TEX9: variants seen among roughly 807,000 people sequenced by gnomAD.
TEX9 encodes testis expressed 9, also known as testis-expressed protein 9.
TEX9 carries 74 observed loss-of-function variants against 59.6 expected under a neutral mutation model. The observed-to-expected ratio is 1.24, with a 90% confidence interval of 1.03 to 1.51. The LOEUF (loss-of-function observed/expected upper bound fraction) is 1.51. Ranked by LOEUF, TEX9 falls within the 40% of genes most tolerant of loss-of-function variation. TEX9 has a pLI of 0.00. For synonymous variants in TEX9, 186 were observed against 152.2 expected (o/e 1.22, Z -1.64); for missense variants, 522 against 447.8 (o/e 1.17, Z -1.49).
At chr15:56,325,396 T>G (rs2046000555) in intron 1 of TEX9, among the ~76,000 whole-genome samples, 1 of 152,158 alleles carries the variant, frequency 6.6e-6, no homozygotes. Context: ...CTGGTATGAC[T>G]TACAGGGATG....
chr15:56,282,639 A>G (rs1468893262), intron 1 of TEX9, among the ~76,000 whole-genome samples: 1 of 152,180 alleles, frequency 6.6e-6, no homozygotes, highest in Non-Finnish European at 1.5e-5. Flanking sequence ...AAAAATGTAT[A>G]TAGAAAGGTT....
intron 1 of TEX9, among the ~76,000 whole-genome samples, chr15:56,307,327 G>T (rs2045507200): frequency 6.6e-6 from 1 of 152,044 alleles, no homozygotes; most frequent in South Asian, 2.1e-4. Flanking sequence ...CCCAATTTTG[G>T]ATTCCCCATG....
chr15:56,460,009 A>AAAAAAATATATATATATATATATAT, the TEX9 span, among the ~76,000 whole-genome samples: 26 of 26,378 alleles, frequency 9.9e-4, 6 homozygotes, highest in Admixed American at 1.7e-3. Context: ...AAAAAAAAAA[A>AAAAAAATATATATATATATATATAT]ATACATATAT....
chr15:56,266,327 CTT>C (rs750991112), intron 1 of TEX9, among the ~76,000 whole-genome samples: 5 of 138,750 alleles, frequency 3.6e-5, no homozygotes, highest in Admixed American at 1.4e-4. Context: ...GGTTTCTTTT[CTT>C]TTTTTTTTTT....
intron 3 of TEX9, among the ~76,000 whole-genome samples, chr15:56,377,607 C>T (rs2047519339): frequency 6.6e-6 from 1 of 152,068 alleles, no homozygotes; most frequent in African/African-American, 2.4e-5. Context: ...TGCAACTTTA[C>T]TGAGTTTATC....
chr15:56,389,924 A>T (rs750375419), intron 6 of TEX9, among the ~76,000 whole-genome samples: 2 of 151,956 alleles, frequency 1.3e-5, no homozygotes, highest in African/African-American at 2.4e-5. Context: ...GATGCTCCCT[A>T]GGATAGGATG....
chr15:56,331,519 C>A (rs562264107), intron 1 of TEX9, among the ~76,000 whole-genome samples: 16 of 152,110 alleles, frequency 1.1e-4, no homozygotes, highest in African/African-American at 2.9e-4. Flanking sequence ...ACTATACAAA[C>A]ATATGGAAAT....
chr15:56,435,161 A>G (rs1313753913), intron 12 of TEX9, among the ~76,000 whole-genome samples: 1 of 152,102 alleles, frequency 6.6e-6, no homozygotes, highest in Non-Finnish European at 1.5e-5. Flanking sequence ...AGAAACATTT[A>G]TAGCACTAAA....
At chr15:56,332,032 CT>C (rs1392244901) in intron 1 of TEX9, among the ~76,000 whole-genome samples, 1 of 128,684 alleles carries the variant, frequency 7.8e-6, no homozygotes, top group Non-Finnish European at 1.6e-5. Context: ...GGACTGTAAA[CT>C]AGTTCAACCA....
chr15:56,310,607 C>G (rs1421546851), intron 1 of TEX9, among the ~76,000 whole-genome samples: 2 of 152,174 alleles, frequency 1.3e-5, no homozygotes, highest in Admixed American at 6.5e-5. Flanking sequence ...ATTATGATCC[C>G]TGCACCAGCT....
At chr15:56,444,332 G>T in intron 12 of TEX9, 2 of 800,910 alleles carry the variant, frequency 2.5e-6, no homozygotes, top group Non-Finnish European at 3.8e-6. Context: ...AGTATTTATT[G>T]AGCACTTACT....
intron 1 of TEX9, among the ~76,000 whole-genome samples, chr15:56,326,661 G>A (rs1347622121): frequency 2.0e-5 from 3 of 152,238 alleles, no homozygotes; most frequent in South Asian, 2.1e-4. Context: ...AGGTGTGTTC[G>A]TAAGCCAGCT....
At chr15:56,448,915 G>A (rs1345064970), downstream of TEX9, among the ~76,000 whole-genome samples, 5 of 151,870 alleles carry the variant, frequency 3.3e-5, no homozygotes, top group South Asian at 2.1e-4. Flanking sequence ...CACCATGCCC[G>A]GTTAATTTTT....
At chr15:56,268,799 G>C (rs1035946645) in intron 1 of TEX9, among the ~76,000 whole-genome samples, 1 of 151,936 alleles carries the variant, frequency 6.6e-6, no homozygotes, top group Non-Finnish European at 1.5e-5. Flanking sequence ...TTTTTGTTAT[G>C]TCTCTGCCAG....
At chr15:56,383,245 A>C (rs1374305599) in intron 3 of TEX9, among the ~76,000 whole-genome samples, 1 of 152,208 alleles carries the variant, frequency 6.6e-6, no homozygotes, top group Non-Finnish European at 1.5e-5. Context: ...CAGACTCTTC[A>C]GGCTGCACAG....
At chr15:56,249,937 C>A (rs2141290354) in intron 1 of TEX9, among the ~76,000 whole-genome samples, 1 of 152,088 alleles carries the variant, frequency 6.6e-6, no homozygotes, top group East Asian at 1.9e-4. Context: ...GATTCCCTTG[C>A]CTCTCTTGGC....
chr15:56,456,868 A>T, the TEX9 span, among the ~76,000 whole-genome samples: 1 of 152,072 alleles, frequency 6.6e-6, no homozygotes, highest in Non-Finnish European at 1.5e-5. Flanking sequence ...ACAATCCTAG[A>T]CATCATGTCA....
chr15:56,291,013 G>A (rs77016897), intron 1 of TEX9, among the ~76,000 whole-genome samples: 1,920 of 152,266 alleles, frequency 0.013, 15 homozygotes, highest in Non-Finnish European at 0.021. Context: ...TTTCCATGGG[G>A]ATGATATGAA....
intron 1 of TEX9, among the ~76,000 whole-genome samples, chr15:56,348,346 G>T (rs1458884618): frequency 1.3e-5 from 2 of 152,026 alleles, no homozygotes; most frequent in African/African-American, 4.8e-5. Context: ...GGATAATTGA[G>T]ATTCCAGCTC....
Sources: allele counts gnomAD v4.1 joint callset (sites outside exome capture counted in the v4.1 genomes callset), GRCh38; gene constraint gnomAD v4.1.1; transcripts MANE v1.5; gene names NCBI Gene and HGNC (gene_info 2026-07-23, HGNC 2026-07-21).